Variants in NCOA1 observed in about 807,000 individuals in gnomAD.
NCOA1 encodes Hin-2 protein.
A neutral mutation model predicts 150.9 loss-of-function variants in NCOA1; 35 were observed. That is an observed-to-expected ratio of 0.23 (90% CI 0.18 to 0.31). NCOA1 has a LOEUF of 0.31. Among genes scored for constraint, NCOA1 ranks in the 10% least tolerant of loss-of-function variants. The pLI is 1.00. For missense variants in NCOA1, 1,491 were observed against 1,749.3 expected, an observed-to-expected ratio of 0.85 and a Z score of 2.63; for synonymous variants, 590 against 630.0, an observed-to-expected ratio of 0.94 and a Z score of 0.95.
At chr2:24,692,371 CT>C (rs924217402) in intron 9 of NCOA1, among the ~76,000 whole-genome samples, 3 of 152,160 alleles carry the variant, frequency 2.0e-5, no homozygotes, top group Non-Finnish European at 4.4e-5. Flanking sequence ...CCAAATCTTA[CT>C]TGATTAAAGT....
intron 3 of NCOA1, among the ~76,000 whole-genome samples, chr2:24,615,217 G>A (rs1668821041): frequency 6.6e-6 from 1 of 152,180 alleles, no homozygotes; most frequent in Non-Finnish European, 1.5e-5. Flanking sequence ...TGTTGATTTT[G>A]TGTAGGTATT....
chr2:24,593,136 T>C (rs982640279), intron 3 of NCOA1, among the ~76,000 whole-genome samples: 1 of 152,130 alleles, frequency 6.6e-6, no homozygotes, highest in Non-Finnish European at 1.5e-5. Context: ...AAGGACTGGC[T>C]CTTGTCAGAG....
chr2:24,667,178 C>G (rs1484279156), intron 6 of NCOA1, among the ~76,000 whole-genome samples: 1 of 152,128 alleles, frequency 6.6e-6, no homozygotes, highest in Non-Finnish European at 1.5e-5. Flanking sequence ...ACTGATTTAG[C>G]AAACAGGAGA....
At chr2:24,673,727 T>C (rs1240606936) in intron 7 of NCOA1, among the ~76,000 whole-genome samples, 1 of 152,184 alleles carries the variant, frequency 6.6e-6, no homozygotes, top group Non-Finnish European at 1.5e-5. Flanking sequence ...TTGCCTTTTA[T>C]TTCTGTGGTG....
chr2:24,601,661 CTCGCTCTGTCGCCCAGGCTAGAG>C, intron 3 of NCOA1, among the ~76,000 whole-genome samples: 1 of 146,990 alleles, frequency 6.8e-6, no homozygotes, highest in Non-Finnish European at 1.5e-5. Flanking sequence ...GAGATGGAGT[CTCGCTCTGTCGCCCAGGCTAGAG>C]TACAGTGGCG....
intron 3 of NCOA1, among the ~76,000 whole-genome samples, chr2:24,603,233 C>T (rs1218442657): frequency 1.3e-5 from 2 of 152,136 alleles, no homozygotes; most frequent in Non-Finnish European, 2.9e-5. Flanking sequence ...AAATTGCTAA[C>T]GATTATGTGA....
At chr2:24,758,291 G>A (rs913064296) in intron 21 of NCOA1, 135 bp downstream of exon 21, 13 of 836,956 alleles carry the variant, frequency 1.6e-5, no homozygotes, top group Non-Finnish European at 1.7e-5. Context: ...AATAATTACT[G>A]GCTCTTAAGA....
At chr2:24,683,407 C>T (rs1029302136) in intron 8 of NCOA1, among the ~76,000 whole-genome samples, 9 of 152,080 alleles carry the variant, frequency 5.9e-5, no homozygotes, top group African/African-American at 1.9e-4. Flanking sequence ...AAATGTGTAT[C>T]CTTTCCATTA....
At chr2:24,681,225 A>AT (rs1672148543) in intron 7 of NCOA1, among the ~76,000 whole-genome samples, 1 of 152,144 alleles carries the variant, frequency 6.6e-6, no homozygotes, top group African/African-American at 2.4e-5. Context: ...TCAGCGGGGC[A>AT]TGGTGGCACA....
At chr2:24,692,802 A>G (rs571087340) in intron 9 of NCOA1, among the ~76,000 whole-genome samples, 71 of 152,346 alleles carry the variant, frequency 4.7e-4, no homozygotes, top group African/African-American at 1.7e-3. Flanking sequence ...TTTCTAATAC[A>G]CTATTAGATA....
intron 1 of NCOA1, among the ~76,000 whole-genome samples, chr2:24,518,128 G>A (rs1664279035): frequency 6.6e-6 from 1 of 151,974 alleles, no homozygotes; most frequent in Admixed American, 6.6e-5. Context: ...TATATAAAAA[G>A]TATAATACAT....
chr2:24,759,304 G>T (rs2148693697), intron 21 of NCOA1, among the ~76,000 whole-genome samples: 1 of 152,260 alleles, frequency 6.6e-6, no homozygotes, highest in Non-Finnish European at 1.5e-5. Flanking sequence ...TCAAAAAAAG[G>T]CATTATGAAA....
chr2:24,598,797 G>A (rs1461426322), intron 3 of NCOA1, among the ~76,000 whole-genome samples: 2 of 151,802 alleles, frequency 1.3e-5, no homozygotes, highest in Admixed American at 1.3e-4. Context: ...GATTCAAGGG[G>A]CACATGTGCA....
Position 24,768,295 on chromosome 2 carries a change from C to T in NCOA1, c.4230C>T (p.Asn1410=), listed in dbSNP as rs752110075. Residue 1410 remains asparagine (N), a synonymous_variant, in exon 23 of 23, where the codon AAC becomes AAT. Coordinates refer to ENST00000348332, the MANE Select transcript of NCOA1 (RefSeq NM_003743.5). ...VNLVGGDPYL[N]QPGPLGTQKP... is the part of the protein sequence containing the mutation. ...TGGTAGGCGGGGACCCTTACCTGAA[C>T]CAGCCTGGTCCACTGGGAACTCAAA... The T allele has an allele frequency of 1.2e-6, 2 of 1,613,878 alleles. No individual in the cohort carries two copies. Among genetic ancestry groups the T allele is most frequent in the Non-Finnish European group, 8.5e-7 (1 of 1,179,954 alleles).
At chr2:24,689,871 A>G (rs186805614) in intron 8 of NCOA1, among the ~76,000 whole-genome samples, 41 of 152,252 alleles carry the variant, frequency 2.7e-4, no homozygotes, top group South Asian at 1.5e-3. Flanking sequence ...TAGCCTATAT[A>G]TGCTCCAAAA....
At chr2:24,756,086 A>AAG (rs1343957356) in intron 20 of NCOA1, among the ~76,000 whole-genome samples, 4 of 151,260 alleles carry the variant, frequency 2.6e-5, no homozygotes, top group Non-Finnish European at 5.9e-5. Context: ...AAAAAAAAAA[A>AAG]AAAAAAAAGA....
chr2:24,607,519 C>T (rs1354071218), intron 3 of NCOA1, among the ~76,000 whole-genome samples: 1 of 152,144 alleles, frequency 6.6e-6, no homozygotes, highest in Non-Finnish European at 1.5e-5. Flanking sequence ...GAAACCCCAT[C>T]TCTACTAAAA....
intron 1 of NCOA1, among the ~76,000 whole-genome samples, chr2:24,499,054 C>T (rs1044300274): frequency 2.0e-5 from 3 of 151,896 alleles, no homozygotes; most frequent in African/African-American, 7.3e-5. Flanking sequence ...TATGCCTTAA[C>T]CTACATGTGA....
In NCOA1 at chr2:24,707,687, G is replaced by T. The variant is rs267599300; in HGVS notation, c.2217G>T (p.Lys739Asn). 1 of 1,613,964 alleles carries T rather than the reference G, an allele frequency of 6.2e-7. No homozygotes were observed. The change falls in exon 13 of 23, where the codon AAG becomes AAT. Residue 739 changes from lysine to asparagine, a missense_variant. By Grantham distance (94) the Lys-to-Asn change is moderately conservative (BLOSUM62 0). Around this residue, in one of 8 missense-constraint regions of NCOA1, gnomAD observed 703 missense variants for 717.7 expected, o/e 0.98. Transcript: ENST00000348332. The part of the protein sequence containing the change: ...SSIKLELDAS[K>N]KKESKDHQLL... ...TAAAACTAGAACTGGATGCTTCAAAGAAAAAAGAATCAAAAGACCATCAGC... is the reference window on the plus strand; with the variant it reads ...TAAAACTAGAACTGGATGCTTCAAATAAAAAAGAATCAAAAGACCATCAGC...
Sources: gnomAD v4.1 joint callset for allele counts (sites outside exome capture counted in the v4.1 genomes callset) on GRCh38, gnomAD v4.1.1 for gene constraint, gnomAD v4.1.1 regional missense constraint, MANE v1.5 for transcripts, NCBI Gene and HGNC (gene_info 2026-07-23, HGNC 2026-07-21) for gene names.